The following PTPRD variants were observed in gnomAD, a reference collection of about 807,000 sequenced individuals.
PTPRD encodes protein tyrosine phosphatase receptor type D, also known as receptor-type tyrosine-protein phosphatase delta.
PTPRD carries 34 observed loss-of-function variants against 214.5 expected under a neutral mutation model. That is an observed-to-expected ratio of 0.16 (90% CI 0.12 to 0.21). The LOEUF is 0.21. PTPRD is among the 10% of genes least tolerant of loss of function. PTPRD has a pLI of 1.00. For missense variants in PTPRD, 2,545 were observed against 2,398.7 expected, an observed-to-expected ratio of 1.06 and a Z score of -1.27; for synonymous variants, 1,128 against 845.7, an observed-to-expected ratio of 1.33 and a Z score of -5.79.
intron 3 of PTPRD, among the ~76,000 whole-genome samples, chr9:10,304,751 A>G (rs985439090): frequency 1.3e-5 from 2 of 152,198 alleles, no homozygotes; most frequent in Non-Finnish European, 2.9e-5. Flanking sequence ...GCTCAAGCAA[A>G]TAAGAGAGGA....
At chr9:9,186,322 G>GAA (rs1240203272) in intron 9 of PTPRD, among the ~76,000 whole-genome samples, 1 of 152,082 alleles carries the variant, frequency 6.6e-6, no homozygotes, top group Non-Finnish European at 1.5e-5. Flanking sequence ...GAAACTGTAA[G>GAA]AGCTGAAGTT....
At chr9:8,393,167 ATTT>A (rs2090145835) in intron 36 of PTPRD, among the ~76,000 whole-genome samples, 1 of 152,138 alleles carries the variant, frequency 6.6e-6, no homozygotes, top group South Asian at 2.1e-4. Flanking sequence ...GTGCATATTT[ATTT>A]AATTTTCAAT....
chr9:8,574,942 A>T (rs1229044129), intron 14 of PTPRD, among the ~76,000 whole-genome samples: 2 of 152,166 alleles, frequency 1.3e-5, no homozygotes, highest in Non-Finnish European at 2.9e-5. Context: ...TAAAAAATCA[A>T]TATCATATAA....
At chr9:9,832,918 G>C (rs950670224) in intron 5 of PTPRD, among the ~76,000 whole-genome samples, 11 of 150,048 alleles carry the variant, frequency 7.3e-5, no homozygotes, top group Non-Finnish European at 7.4e-5. Flanking sequence ...ATATGAGAGA[G>C]GAAAAAAAGT....
At chr9:9,422,351 A>G (rs1334873822) in intron 8 of PTPRD, among the ~76,000 whole-genome samples, 2 of 152,146 alleles carry the variant, frequency 1.3e-5, no homozygotes, top group Non-Finnish European at 2.9e-5. Flanking sequence ...GAAAATCAAA[A>G]TATGAGTTGC....
At chr9:8,344,322 T>C (rs963204805) in intron 39 of PTPRD, among the ~76,000 whole-genome samples, 1 of 152,070 alleles carries the variant, frequency 6.6e-6, no homozygotes, top group Non-Finnish European at 1.5e-5. Context: ...TCTCAAAATA[T>C]GCATCAGGGA....
intron 10 of PTPRD, among the ~76,000 whole-genome samples, chr9:9,128,428 C>T (rs1029703473): frequency 4.6e-5 from 7 of 152,138 alleles, no homozygotes; most frequent in Non-Finnish European, 8.8e-5. Flanking sequence ...TCAAAACCTA[C>T]ATTCTATTGC....
rs552945028 is a variant in PTPRD at position 10,054,171 on chromosome 9, C to T, written c.-544-20381G>A. On this transcript the variant is annotated intron_variant, in intron 3 of 45. Coordinates refer to ENST00000381196, the MANE Select transcript of PTPRD (RefSeq NM_002839.4). ...AGTCAGAATCATAACAAAAAATCCC[C>T]AATGGCCAATGATGGAAACAAAATA... Among the ~76,000 whole-genome samples, 356 of 152,218 alleles carry T rather than the reference C, an allele frequency of 2.3e-3. 3 individuals carry two copies. Among genetic ancestry groups the T allele is most frequent in the African/African-American group, 6.9e-3 (288 of 41,540 alleles).
chr9:10,266,462 TG>T (rs1461478593), intron 3 of PTPRD, among the ~76,000 whole-genome samples: 1 of 152,210 alleles, frequency 6.6e-6, no homozygotes, highest in Non-Finnish European at 1.5e-5. Context: ...TGGATGTCAC[TG>T]GAAGCTGAAT....
chr9:10,408,149 A>C (rs4741032), intron 2 of PTPRD, among the ~76,000 whole-genome samples: 117,501 of 151,124 alleles, frequency 0.78, 46,469 homozygotes, highest in East Asian at 0.88. Flanking sequence ...TGTGACTCCG[A>C]CTTATCTGAA....
At chr9:9,399,463 T>A (rs527465892) in intron 8 of PTPRD, among the ~76,000 whole-genome samples, 1 of 152,160 alleles carries the variant, frequency 6.6e-6, no homozygotes, top group African/African-American at 2.4e-5. Flanking sequence ...TGCTACTCAG[T>A]AATTTAAAAT....
chr9:9,703,622 C>T (rs924186235), intron 7 of PTPRD, among the ~76,000 whole-genome samples: 6 of 151,976 alleles, frequency 3.9e-5, no homozygotes, highest in Non-Finnish European at 8.8e-5. Context: ...TTATTATATA[C>T]ATTTATGTGG....
intron 2 of PTPRD, among the ~76,000 whole-genome samples, chr9:10,350,035 C>A (rs2097156000): frequency 6.6e-6 from 1 of 152,156 alleles, no homozygotes. Context: ...GTCAAATTAC[C>A]TTGGAGGACA....
In PTPRD at chr9:10,113,903, A is replaced by T. The variant is rs115991910; in HGVS notation, c.-544-80113T>A. Among the ~76,000 whole-genome samples, 742 of 152,302 alleles carry T rather than the reference A, an allele frequency of 4.9e-3. 6 individuals are homozygous for T. The highest frequency in any genetic ancestry group is 0.017 in the African/African-American group (710 of 41,576). The stretch of plus-strand genomic sequence containing the variant: ...AAGACTCAGCTGTCTAGGATACGGG[A>T]TTCATTTACTGTTAGCCATAACCTT... On this transcript the variant is annotated intron_variant, in intron 3 of 45. Transcript: ENST00000381196.
chr9:9,068,889 T>C (rs754807441), intron 10 of PTPRD, among the ~76,000 whole-genome samples: 2 of 152,138 alleles, frequency 1.3e-5, no homozygotes, highest in Non-Finnish European at 2.9e-5. Flanking sequence ...GGATTACAGG[T>C]GTGAGGCACG....
intron 14 of PTPRD, among the ~76,000 whole-genome samples, chr9:8,582,551 A>T (rs2093268417): frequency 6.6e-6 from 1 of 151,958 alleles, no homozygotes; most frequent in Non-Finnish European, 1.5e-5. Flanking sequence ...CCTTATTGAG[A>T]ACAATGATAT....
chr9:9,137,641 G>A (rs1483760867), intron 10 of PTPRD, among the ~76,000 whole-genome samples: 1 of 152,060 alleles, frequency 6.6e-6, no homozygotes, highest in East Asian at 1.9e-4. Context: ...AAACAAATTA[G>A]TTTATTTACT....
intron 5 of PTPRD, among the ~76,000 whole-genome samples, chr9:9,913,804 A>G (rs1184537714): frequency 6.6e-6 from 1 of 152,106 alleles, no homozygotes. Flanking sequence ...TTAGGAGCAC[A>G]AGGTGTGTAC....
chr9:10,365,755 A>G (rs1246006716), intron 2 of PTPRD, among the ~76,000 whole-genome samples: 1 of 152,150 alleles, frequency 6.6e-6, no homozygotes, highest in East Asian at 1.9e-4. Context: ...ATATTGAAAT[A>G]ATAGTTCAAT....
Sources: gnomAD v4.1 joint callset for allele counts (sites outside exome capture counted in the v4.1 genomes callset) on GRCh38, gnomAD v4.1.1 for gene constraint, MANE v1.5 for transcripts, NCBI Gene and HGNC (gene_info 2026-07-23, HGNC 2026-07-21) for gene names.